ATXN1: variants seen among roughly 807,000 people sequenced by gnomAD.
ATXN1 encodes the protein ataxin-1.
In ATXN1, 8 loss-of-function variants were observed where a neutral mutation model predicts 56.4. The ratio of observed to expected loss-of-function variants is 0.14; its 90% CI spans 0.08 to 0.26. The LOEUF (loss-of-function observed/expected upper bound fraction) is 0.26. Among genes scored for constraint, ATXN1 ranks in the 10% least tolerant of loss-of-function variants. The probability of loss-of-function intolerance (pLI) is 1.00; values close to 1 mark genes in which losing one functional copy is unlikely to be tolerated. For synonymous variants in ATXN1, 514 were observed against 494.6 expected (o/e 1.04, Z -0.52); for missense variants, 987 against 1,106.5 (o/e 0.89, Z 1.53).
intron 2 of ATXN1, among the ~76,000 whole-genome samples, chr6:16,721,614 G>A (rs538469071): frequency 2.0e-5 from 3 of 152,254 alleles, no homozygotes; most frequent in South Asian, 4.1e-4. Flanking sequence ...GTGATAGAGG[G>A]AGACCCTGCC....
intron 6 of ATXN1, among the ~76,000 whole-genome samples, chr6:16,368,517 C>T (rs1761976248): frequency 1.3e-5 from 2 of 149,114 alleles, no homozygotes; most frequent in South Asian, 4.2e-4. Flanking sequence ...ATTAATTACA[C>T]TTCTGTTTAA....
chr6:16,610,696 A>G (rs1335826342), intron 3 of ATXN1, among the ~76,000 whole-genome samples: 1 of 152,152 alleles, frequency 6.6e-6, no homozygotes, highest in African/African-American at 2.4e-5. Context: ...TAAACAATAA[A>G]GAAAAGGGGT....
chr6:16,588,334 C>T (rs906038853), intron 3 of ATXN1, among the ~76,000 whole-genome samples: 1 of 152,246 alleles, frequency 6.6e-6, no homozygotes, highest in African/African-American at 2.4e-5. Context: ...CCTGCATTCT[C>T]TTCCAACTTG....
intron 6 of ATXN1, among the ~76,000 whole-genome samples, chr6:16,348,155 G>A (rs751039262): frequency 1.5e-4 from 23 of 152,126 alleles, no homozygotes; most frequent in Admixed American, 2.0e-4. Flanking sequence ...CTGTAGCCTC[G>A]ACCTCCCTGT....
chr6:16,609,400 G>C (rs1271191516), intron 3 of ATXN1, among the ~76,000 whole-genome samples: 1 of 152,192 alleles, frequency 6.6e-6, no homozygotes, highest in Non-Finnish European at 1.5e-5. Flanking sequence ...AGGGGGCTTG[G>C]AGTGAAGCTA....
chr6:16,414,704 T>C (rs2113556337), intron 6 of ATXN1, among the ~76,000 whole-genome samples: 1 of 152,310 alleles, frequency 6.6e-6, no homozygotes, highest in Admixed American at 6.5e-5. Flanking sequence ...TTATTTGAGT[T>C]TATCTATCCG....
chr6:16,739,612 C>A, intron 2 of ATXN1: 1 of 311,846 alleles, frequency 3.2e-6, no homozygotes, highest in Non-Finnish European at 6.7e-6. Context: ...AGCTGCAAGC[C>A]AATCAGGCAG....
chr6:16,527,389 T>C, intron 4 of ATXN1, among the ~76,000 whole-genome samples: 1 of 151,978 alleles, frequency 6.6e-6, no homozygotes, highest in East Asian at 1.9e-4. Flanking sequence ...AGGCAGGAGA[T>C]GGGGCTGGCA....
chr6:16,529,171 T>A (rs1324931727), intron 4 of ATXN1, among the ~76,000 whole-genome samples: 4 of 125,684 alleles, frequency 3.2e-5, no homozygotes, highest in African/African-American at 1.3e-4. Flanking sequence ...ACATCAAGAC[T>A]CTGTCAAAAA....
chr6:16,484,418 A>G (rs1298546457), intron 6 of ATXN1, among the ~76,000 whole-genome samples: 2 of 152,200 alleles, frequency 1.3e-5, no homozygotes, highest in African/African-American at 4.8e-5. Context: ...TGGGTGACAG[A>G]GTAAGGCACC....
At chr6:16,541,748 A>T (rs1405053203) in intron 4 of ATXN1, among the ~76,000 whole-genome samples, 2 of 152,162 alleles carry the variant, frequency 1.3e-5, no homozygotes, top group Admixed American at 6.5e-5. Context: ...AGAACGTCTG[A>T]GCTAGAGGAG....
chr6:16,589,310 C>T (rs1257531890), intron 3 of ATXN1, among the ~76,000 whole-genome samples: 1 of 152,052 alleles, frequency 6.6e-6, no homozygotes, highest in South Asian at 2.1e-4. Context: ...AAAGAGGTAT[C>T]CCCTCATCAT....
At chr6:16,308,322 T>TCACACACA (rs35291830) in intron 7 of ATXN1, among the ~76,000 whole-genome samples, 1,411 of 132,676 alleles carry the variant, frequency 0.011, 25 homozygotes, top group East Asian at 0.071. Context: ...TGAAACTCCG[T>TCACACACA]CACACACACA....
intron 6 of ATXN1, among the ~76,000 whole-genome samples, chr6:16,408,571 G>A (rs1002411504): frequency 6.6e-6 from 1 of 151,514 alleles, no homozygotes; most frequent in African/African-American, 2.4e-5. Context: ...CAGGCACTAA[G>A]TGTGTATCAC....
chr6:16,682,560 A>G (rs1231836793), intron 2 of ATXN1, among the ~76,000 whole-genome samples: 2 of 152,182 alleles, frequency 1.3e-5, no homozygotes, highest in Non-Finnish European at 2.9e-5. Context: ...CAAAGTCCTA[A>G]AGAACACTAA....
intron 5 of ATXN1, among the ~76,000 whole-genome samples, chr6:16,522,072 T>A (rs932529885): frequency 5.9e-5 from 9 of 152,164 alleles, no homozygotes; most frequent in African/African-American, 1.9e-4. Context: ...AGGGCAAACA[T>A]CATGCAGCTA....
chr6:16,494,075 CATGGAGAGGCATCTCCAGTGCAGGGCTGG>C, intron 5 of ATXN1, among the ~76,000 whole-genome samples: 1 of 147,570 alleles, frequency 6.8e-6, no homozygotes, highest in South Asian at 2.2e-4. Context: ...ACCCCTTTCC[CATGGAGAGGCATCTCCAGTGCAGGGCTGG>C]ACTGAGAGGC....
In ATXN1 at chr6:16,327,845, T is replaced by C. The variant is rs1326231848; in HGVS notation, c.466A>G (p.Thr156Ala). 4 of 1,607,812 alleles carry C rather than the reference T, an allele frequency of 2.5e-6. No individual in the cohort carries two copies. The highest frequency in any genetic ancestry group is 3.4e-6 in the Non-Finnish European group (4 of 1,179,844). Residue 156 changes from threonine (T) to alanine (A), a missense_variant, in exon 7 of 8, where the codon ACC becomes GCC. Thr to Ala is a moderately conservative substitution (Grantham distance 58). Transcript: ENST00000436367. ...QLIPPTANPVTSAVASAAGAT... is the reference protein window; with the variant it reads ...QLIPPTANPVASAVASAAGAT... Reference sequence around the variant, plus strand: ...CCTGCGGCCGAGGCCACTGCACTGGTGACGGGGTTGGCGGTTGGGGGGATC... The same window carrying C: ...CCTGCGGCCGAGGCCACTGCACTGGCGACGGGGTTGGCGGTTGGGGGGATC...
chr6:16,503,661 G>T, intron 5 of ATXN1, among the ~76,000 whole-genome samples: 1 of 152,134 alleles, frequency 6.6e-6, no homozygotes, highest in East Asian at 1.9e-4. Flanking sequence ...TTATATTCCA[G>T]CTTGGAACAC....
Sources: allele counts gnomAD v4.1 joint callset (sites outside exome capture counted in the v4.1 genomes callset), GRCh38; gene constraint gnomAD v4.1.1; transcripts MANE v1.5; gene names NCBI Gene and HGNC (gene_info 2026-07-23, HGNC 2026-07-21).